CYGB: variants seen among roughly 807,000 people sequenced by gnomAD.
CYGB encodes the protein cytoglobin.
Under a neutral mutation model 20.7 loss-of-function variants are expected in CYGB, and 13 were observed. The ratio of observed to expected loss-of-function variants is 0.63; its 90% CI spans 0.41 to 1.00. The LOEUF (loss-of-function observed/expected upper bound fraction) is 1.00, where lower values mean the gene tolerates loss of function less well. Among genes scored for constraint, CYGB ranks in the 50% least tolerant of loss-of-function variants. CYGB has a pLI of 0.00. For synonymous variants in CYGB, 93 were observed against 107.4 expected (o/e 0.87, Z 0.83); for missense variants, 218 against 257.2 (o/e 0.85, Z 1.04).
chr17:76,541,860 T>C (rs1819770468), upstream of CYGB, among the ~76,000 whole-genome samples: 1 of 152,194 alleles, frequency 6.6e-6, no homozygotes, highest in South Asian at 2.1e-4. Context: ...AATCAGTTTA[T>C]TTATATGTAA....
chr17:76,531,913 C>T lies in CYGB; in HGVS notation c.144-222G>A. 1 of 490,632 alleles carries T rather than the reference C, an allele frequency of 2.0e-6. No individual in the cohort carries two copies. Among genetic ancestry groups the T allele is most frequent in the Non-Finnish European group, 3.7e-6 (1 of 272,744 alleles). The allele number at this position is 490,632 out of a possible 1,614,324, so 30.4% of individuals were successfully genotyped here. Reference sequence around the variant, plus strand: ...TGGCCATGTCTATCTGCCAGGCTTGCTCAGGCTGGCGGCTTCATCTCCTAG... The same window carrying T: ...TGGCCATGTCTATCTGCCAGGCTTGTTCAGGCTGGCGGCTTCATCTCCTAG... On this transcript the variant is annotated intron_variant, in intron 1 of 3. Transcript: ENST00000293230. The surrounding 1 kb of genome is among the most constrained non-coding windows in gnomAD (Gnocchi z 7.4).
At chr17:76,529,805 C>A (rs1302726156) in intron 3 of CYGB, 36 of 985,360 alleles carry the variant, frequency 3.7e-5, no homozygotes, top group Non-Finnish European at 4.3e-5. Flanking sequence ...CCCATTGACT[C>A]CCAGGTCTCA....
chr17:76,529,385 A>T, intron 3 of CYGB: 2 of 985,190 alleles, frequency 2.0e-6, no homozygotes, highest in Non-Finnish European at 2.4e-6. Flanking sequence ...AAGTGGGCGG[A>T]GGAGGAGACT....
At chr17:76,537,872 G>T (rs1451645045), upstream of CYGB, 1 of 151,446 alleles carries the variant, frequency 6.6e-6, no homozygotes, top group Admixed American at 6.6e-5. Context: ...AAGGCTGCGC[G>T]GGGTGGGGGC....
At position 76,527,670 on chromosome 17, in the gene CYGB, G is replaced by C. The variant is rs1000308964; in HGVS notation, c.*908C>G. 6.6e-6 allele frequency: 3 copies of C among 453,860 alleles called. No homozygotes were observed. Among genetic ancestry groups the C allele is most frequent in the Non-Finnish European group, 1.3e-5 (3 of 226,714 alleles). The allele number at this position is 453,860 out of a possible 1,614,324, so 28.1% of individuals were successfully genotyped here. ...GGAGCTGAGGGTGAGACCCAGGCAT[G>C]TGGTCCCGCCGACCTGCTGCCCAGC... On this transcript the variant is annotated 3_prime_UTR_variant, in exon 4 of 4. Transcript: ENST00000293230.
At position 76,530,232 on chromosome 17, in the gene CYGB, T is replaced by C. The variant is rs1156597048; in HGVS notation, c.539+747A>G. Among the ~76,000 whole-genome samples the C allele has an allele frequency of 6.6e-6, 1 of 151,950 alleles. No homozygotes were observed. The highest frequency in any genetic ancestry group is 1.5e-5 in the Non-Finnish European group (1 of 67,952). ...TCCAGCCCTGCCTCCGCCTCTCCATTCAGCTCCCAGAGTCAGCCTCCCCTT... is the reference window on the plus strand; with the variant it reads ...TCCAGCCCTGCCTCCGCCTCTCCATCCAGCTCCCAGAGTCAGCCTCCCCTT... On this transcript the variant is annotated intron_variant, in intron 3 of 3. Transcript: ENST00000293230. The surrounding 1 kb of genome is among the most constrained non-coding windows in gnomAD (Gnocchi z 6.1).
At chr17:76,543,005 A>G in intron 1 of CYGB, 1 of 484,326 alleles carries the variant, frequency 2.1e-6, no homozygotes, top group East Asian at 6.6e-5. Context: ...AGAAGTGCTG[A>G]TCTGCTCTGG....
At chr17:76,536,864 G>C (rs62086575) in intron 1 of CYGB, among the ~76,000 whole-genome samples, 1 of 152,082 alleles carries the variant, frequency 6.6e-6, no homozygotes, top group African/African-American at 2.4e-5. Flanking sequence ...CAGCGGGAAG[G>C]GGGCAGCTGG....
In CYGB at chr17:76,527,804, G is replaced by A. The variant is rs774231081; in HGVS notation, c.*774C>T. 1.1e-5 allele frequency: 5 copies of A among 453,832 alleles called. No homozygotes were observed. Among genetic ancestry groups the A allele is most frequent in the African/African-American group, 4.0e-5 (2 of 49,976 alleles). The allele number at this position is 453,832 out of a possible 1,614,324, so 28.1% of individuals were successfully genotyped here. Reference sequence around the variant, plus strand: ...GTGCGGTCATCCCACCCAGAACTTCGCTCTGCCCCTGCCCATTCTAGGACA... The same window carrying A: ...GTGCGGTCATCCCACCCAGAACTTCACTCTGCCCCTGCCCATTCTAGGACA... On this transcript the variant is annotated 3_prime_UTR_variant, in exon 4 of 4. Transcript: ENST00000293230.
chr17:76,540,259 G>GT, upstream of CYGB: 1 of 1,026,674 alleles, frequency 9.7e-7, no homozygotes, highest in South Asian at 1.4e-5. This position sits in a 1 kb window ranked among gnomAD's most constrained non-coding sequence, Gnocchi z 5.0. Flanking sequence ...GTCGGGGGGG[G>GT]GGGGCATGGG....
chr17:76,532,853 C>A (rs895123875), intron 1 of CYGB, among the ~76,000 whole-genome samples: 1 of 152,194 alleles, frequency 6.6e-6, no homozygotes, highest in Non-Finnish European at 1.5e-5. Flanking sequence ...GACTTTTTCA[C>A]CTCCCCTCCC....
Position 76,531,309 on chromosome 17 carries a change from C to T in CYGB, c.375+151G>A. ...GACAAGGGTTGCCCTGGACCCAGCC[C>T]CTCCATCCTGCTGCCGGGCACTGCC... On this transcript the variant is annotated intron_variant, in intron 2 of 3. Coordinates refer to ENST00000293230, the MANE Select transcript of CYGB (RefSeq NM_134268.5). The surrounding 1 kb of genome is among the most constrained non-coding windows in gnomAD (Gnocchi z 7.4). 1 of 1,197,164 alleles carries T rather than the reference C, an allele frequency of 8.4e-7. No individual in the cohort carries two copies. Among genetic ancestry groups the T allele is most frequent in the Non-Finnish European group, 1.2e-6 (1 of 856,186 alleles). The allele number at this position is 1,197,164 out of a possible 1,614,324, so 74.2% of individuals were successfully genotyped here.
At chr17:76,543,925 T>G (rs146315741) in intron 1 of CYGB, 6 of 470,578 alleles carry the variant, frequency 1.3e-5, no homozygotes, top group African/African-American at 8.0e-5. Flanking sequence ...CCTCCGAATG[T>G]GTTTTCTGTA....
upstream of CYGB, among the ~76,000 whole-genome samples, chr17:76,538,963 G>T (rs1272638526): frequency 6.6e-6 from 1 of 152,236 alleles, no homozygotes; most frequent in African/African-American, 2.4e-5. Flanking sequence ...AAGGTCCGGG[G>T]GAGGCGAGGA....
Position 76,533,172 on chromosome 17 carries a change from T to C in CYGB, c.144-1481A>G, listed in dbSNP as rs2074868796. Among the ~76,000 whole-genome samples the C allele has an allele frequency of 1.3e-5, 2 of 152,108 alleles. No individual in the cohort carries two copies. Among genetic ancestry groups the C allele is most frequent in the Admixed American group, 1.3e-4 (2 of 15,262 alleles). On this transcript the variant is annotated intron_variant, in intron 1 of 3. Coordinates refer to ENST00000293230, the MANE Select transcript of CYGB (RefSeq NM_134268.5). This position sits in a 1 kb window ranked among gnomAD's most constrained non-coding sequence, Gnocchi z 4.5. The stretch of plus-strand genomic sequence containing the variant: ...CACAGTGACCAGGGCACAGTCTGTG[T>C]GGAGACTCAGGAGGGCCCCTCTCAG...
Position 76,528,418 on chromosome 17 carries a change from C to T in CYGB, c.*160G>A. 1.6e-6 allele frequency: 1 copy of T among 641,040 alleles called. No homozygotes were observed. The allele number at this position is 641,040 out of a possible 1,614,324, so 39.7% of individuals were successfully genotyped here. On this transcript the variant is annotated 3_prime_UTR_variant, in exon 4 of 4. Coordinates refer to ENST00000293230, the MANE Select transcript of CYGB (RefSeq NM_134268.5). The surrounding 1 kb of genome is among the most constrained non-coding windows in gnomAD (Gnocchi z 5.8). ...AGCCAGCGCCGCCTCCCAGCAGCTC[C>T]AGGGGGGGACCCTGGCCGCCACAGA...
At position 76,531,802 on chromosome 17, in the gene CYGB, C is replaced by G. The variant is rs564012862; in HGVS notation, c.144-111G>C. The G allele has an allele frequency of 1.2e-6, 1 of 841,456 alleles. No homozygotes were observed. The highest frequency in any genetic ancestry group is 1.8e-5 in the South Asian group (1 of 56,936). 52.1% of individuals were successfully genotyped at this position (841,456 alleles called of 1,614,324 possible). The stretch of plus-strand genomic sequence containing the variant: ...AGTGGACCGCAGTGCTCCCCACCCC[C>G]GCACCGTCACTGTTTTCACTACCAT... On this transcript the variant is annotated intron_variant, in intron 1 of 3. Coordinates refer to ENST00000293230, the MANE Select transcript of CYGB (RefSeq NM_134268.5). This position sits in a 1 kb window ranked among gnomAD's most constrained non-coding sequence, Gnocchi z 7.4.
At chr17:76,549,243 C>T (rs534655761) in intron 1 of CYGB, among the ~76,000 whole-genome samples, 6 of 152,214 alleles carry the variant, frequency 3.9e-5, no homozygotes, top group Admixed American at 6.5e-5. Flanking sequence ...TTTTACAATT[C>T]GATAATAAGA....
intron 1 of CYGB, among the ~76,000 whole-genome samples, chr17:76,532,933 C>T (rs376776772): frequency 2.6e-4 from 40 of 152,168 alleles, no homozygotes; most frequent in African/African-American, 8.9e-4. Context: ...TAAGTGAATC[C>T]CCAGAAAATG....
Sources: gnomAD v4.1 joint callset for allele counts (sites outside exome capture counted in the v4.1 genomes callset) on GRCh38, gnomAD v4.1.1 for gene constraint, Gnocchi (gnomAD v3.1) non-coding constraint, MANE v1.5 for transcripts, NCBI Gene and HGNC (gene_info 2026-07-23, HGNC 2026-07-21) for gene names.